Variants in GNPDA2 observed in about 807,000 individuals in gnomAD.
GNPDA2 encodes the protein glucosamine-6-phosphate deaminase 2, also known as glcN6P deaminase 2.
Under a neutral mutation model 27.0 loss-of-function variants are expected in GNPDA2, and 24 were observed. The ratio of observed to expected loss-of-function variants is 0.89; its 90% CI spans 0.64 to 1.25. The LOEUF (loss-of-function observed/expected upper bound fraction) is 1.25, where lower values mean the gene tolerates loss of function less well. Ranked by LOEUF, GNPDA2 falls within the 50% of genes most tolerant of loss-of-function variation. The pLI is 0.00. For synonymous variants in GNPDA2, 94 were observed against 108.4 expected (o/e 0.87, Z 0.83); for missense variants, 286 against 335.1 (o/e 0.85, Z 1.14).
At chr4:44,705,801 A>G (rs1276579183) in intron 6 of GNPDA2, 1 of 151,926 alleles carries the variant, frequency 6.6e-6, no homozygotes, top group African/African-American at 2.4e-5. Context: ...ACTTTGGGTA[A>G]GTAGCTTAAC....
intron 4 of GNPDA2, among the ~76,000 whole-genome samples, chr4:44,713,958 A>G (rs1429477970): frequency 1.3e-5 from 2 of 152,158 alleles, no homozygotes; most frequent in Non-Finnish European, 2.9e-5. Context: ...TTGTAAAACT[A>G]GATTTTTAAA....
Position 44,703,153 on chromosome 4 carries a change from A to G in GNPDA2, c.770-11T>C. The G allele has an allele frequency of 4.4e-6, 7 of 1,605,352 alleles. No individual in the cohort carries two copies. Among genetic ancestry groups the G allele is most frequent in the Non-Finnish European group, 5.9e-6 (7 of 1,177,442 alleles). On this transcript the variant is annotated splice_polypyrimidine_tract_variant and intron_variant, in intron 6 of 6. Transcript: ENST00000295448. ...GCACATGCATTAGACCTTAAAGAAA[A>G]AAAGCACAGTTCTAGTTGTTTTTAT...
intron 6 of GNPDA2, chr4:44,705,490 G>C (rs1716533348): frequency 1.0e-6 from 1 of 984,832 alleles, no homozygotes; most frequent in Non-Finnish European, 1.2e-6. Context: ...CTCACGAATG[G>C]TCTGTTTCAA....
intron 6 of GNPDA2, 75 bp from the exon 7 acceptor site, chr4:44,703,217 A>T (rs1432981293): frequency 2.0e-6 from 3 of 1,535,604 alleles, no homozygotes; most frequent in Non-Finnish European, 2.6e-6. Context: ...ACAACAAAGT[A>T]TTTTTTATAA....
intron 5 of GNPDA2, among the ~76,000 whole-genome samples, chr4:44,708,659 C>CTA (rs955409949): frequency 5.3e-4 from 80 of 152,136 alleles, no homozygotes; most frequent in African/African-American, 1.9e-3. Context: ...TTTTCTTTAT[C>CTA]ATGTTTAAGC....
chr4:44,705,509 A>C, intron 6 of GNPDA2: 3 of 982,196 alleles, frequency 3.1e-6, no homozygotes, highest in Non-Finnish European at 2.4e-6. Context: ...AAAATTTTTC[A>C]GAAGAGCTTA....
chr4:44,722,268 T>C, intron 1 of GNPDA2, 26 bp from the exon 2 acceptor site: 1 of 1,538,702 alleles, frequency 6.5e-7, no homozygotes, highest in East Asian at 2.3e-5. Flanking sequence ...TGTAGAACAC[T>C]TTACATAATA....
intron 5 of GNPDA2, among the ~76,000 whole-genome samples, chr4:44,709,601 AAAAGG>A (rs1560358670): frequency 6.6e-6 from 1 of 152,114 alleles, no homozygotes; most frequent in African/African-American, 2.4e-5. Context: ...ACACTATTTT[AAAAGG>A]TTATGAAATA....
intron 2 of GNPDA2, among the ~76,000 whole-genome samples, chr4:44,720,193 GT>G (rs1717580166): frequency 2.0e-5 from 3 of 152,188 alleles, no homozygotes; most frequent in Admixed American, 6.5e-5. Context: ...CTGCGCTAAT[GT>G]TTTTATATAT....
intron 5 of GNPDA2, among the ~76,000 whole-genome samples, chr4:44,710,350 A>C (rs1053667472): frequency 1.3e-5 from 2 of 152,178 alleles, no homozygotes; most frequent in Non-Finnish European, 2.9e-5. Context: ...ATTTAACTAC[A>C]TATAACCACG....
intron 6 of GNPDA2, chr4:44,704,284 A>C: frequency 1.0e-6 from 1 of 983,962 alleles, no homozygotes; most frequent in Non-Finnish European, 1.2e-6. Flanking sequence ...AGAGGGGACA[A>C]CAAAGATAAG....
intron 4 of GNPDA2, chr4:44,714,402 G>A (rs1242102738): frequency 1.0e-6 from 1 of 985,226 alleles, no homozygotes; most frequent in Non-Finnish European, 1.2e-6. Context: ...TAGAACATTT[G>A]AGTATGTATT....
At chr4:44,707,371 T>G in intron 6 of GNPDA2, 1 of 245,934 alleles carries the variant, frequency 4.1e-6, no homozygotes. Flanking sequence ...TAAATTAAGG[T>G]TAGAGGGGAG....
At chr4:44,704,017 G>A in intron 6 of GNPDA2, 2 of 985,152 alleles carry the variant, frequency 2.0e-6, no homozygotes, top group Middle Eastern at 5.2e-4. Context: ...TTACTGGATT[G>A]GAGAGATAGG....
At chr4:44,721,950 T>G in intron 2 of GNPDA2, 134 bp downstream of exon 2, 1 of 660,004 alleles carries the variant, frequency 1.5e-6, no homozygotes, top group Non-Finnish European at 2.5e-6. Flanking sequence ...TTTTCTGGCC[T>G]TTTATACTAT....
chr4:44,706,354 TTA>T, intron 6 of GNPDA2: 1 of 152,076 alleles, frequency 6.6e-6, no homozygotes, highest in East Asian at 1.9e-4. Context: ...ATTTATGTAC[TTA>T]ACTATCCATT....
intron 5 of GNPDA2, among the ~76,000 whole-genome samples, chr4:44,710,054 A>T (rs1716874701): frequency 6.6e-6 from 1 of 152,190 alleles, no homozygotes; most frequent in Admixed American, 6.5e-5. Context: ...GTTAAATGTA[A>T]TCTATTACAT....
chr4:44,722,382 G>A, intron 1 of GNPDA2, 140 bp from the exon 2 acceptor site: 1 of 607,116 alleles, frequency 1.6e-6, no homozygotes, highest in South Asian at 2.4e-5. Flanking sequence ...ACTGAAGAAG[G>A]ACATGCACAT....
At chr4:44,704,651 TATAA>T in intron 6 of GNPDA2, 2 of 891,628 alleles carry the variant, frequency 2.2e-6, no homozygotes, top group Non-Finnish European at 2.7e-6. Flanking sequence ...ACGAATTTTA[TATAA>T]ATAAATAATT....
Sources: allele counts gnomAD v4.1 joint callset (sites outside exome capture counted in the v4.1 genomes callset), GRCh38; gene constraint gnomAD v4.1.1; transcripts MANE v1.5; gene names NCBI Gene and HGNC (gene_info 2026-07-23, HGNC 2026-07-21).